OGG1: variants seen among roughly 807,000 people sequenced by gnomAD.
The protein encoded by OGG1 is N-glycosylase/DNA lyase.
In OGG1, 35 loss-of-function variants were observed where a neutral mutation model predicts 42.3. The ratio of observed to expected loss-of-function variants is 0.83; its 90% CI spans 0.63 to 1.10. OGG1 has a LOEUF of 1.10. OGG1 is among the 50% of genes least tolerant of loss of function. The probability of loss-of-function intolerance (pLI) is 0.00; values close to 1 mark genes in which losing one functional copy is unlikely to be tolerated. For missense variants in OGG1, 484 were observed against 446.7 expected, an observed-to-expected ratio of 1.08 and a Z score of -0.75; for synonymous variants, 189 against 179.0, an observed-to-expected ratio of 1.06 and a Z score of -0.44.
At chr3:9,762,267 CGAG>C (rs1319149649), downstream of OGG1, 2 of 153,702 alleles carry the variant, frequency 1.3e-5, no homozygotes, top group Non-Finnish European at 2.9e-5. Flanking sequence ...TCGCTATTTC[CGAG>C]GAGTAGGATT....
downstream of OGG1, chr3:9,789,649 T>C: frequency 1.2e-6 from 2 of 1,611,580 alleles, no homozygotes; most frequent in Non-Finnish European, 1.7e-6. Context: ...TGGGCGCCCC[T>C]GCCCCACCAG....
chr3:9,760,059 G>C (rs2077777535), downstream of OGG1: 1 of 251,630 alleles, frequency 4.0e-6, no homozygotes, highest in Non-Finnish European at 7.9e-6. Context: ...TGGCCAAGAT[G>C]GTGAAACCTT....
At chr3:9,775,645 T>G (rs962764148) in intron 2 of OGG1, among the ~76,000 whole-genome samples, 1 of 127,860 alleles carries the variant, frequency 7.8e-6, no homozygotes, top group African/African-American at 2.8e-5. Flanking sequence ...TACCCAGAGG[T>G]TTTTTTTTTT....
At chr3:9,768,577 C>T (rs1030320138), downstream of OGG1, among the ~76,000 whole-genome samples, 1 of 152,208 alleles carries the variant, frequency 6.6e-6, no homozygotes, top group South Asian at 2.1e-4. Context: ...CCTAATGACA[C>T]CTGGCCTGGG....
Position 9,765,886 on chromosome 3 carries a change from C to T in OGG1, c.*55C>T, listed in dbSNP as rs765645330. The T allele has an allele frequency of 6.2e-6, 10 of 1,613,968 alleles. No individual in the cohort carries two copies. In the African/African-American group the frequency reaches 1.2e-4, roughly 19 times the overall value. On this transcript the variant is annotated 3_prime_UTR_variant, in exon 8 of 8. Transcript: ENST00000302008. ...TCTGCCAGGATCACCTCCGAGAAGG[C>T]CCCCCTATCGGGAGAGGGGATTCAC...
At chr3:9,786,125 G>A (rs2078604255) in intron 3 of OGG1, among the ~76,000 whole-genome samples, 1 of 152,122 alleles carries the variant, frequency 6.6e-6, no homozygotes, top group African/African-American at 2.4e-5. Flanking sequence ...ATTTTTAGTA[G>A]AGACGGGGTT....
chr3:9,759,858 G>A (rs1325177273), downstream of OGG1: 3 of 1,594,746 alleles, frequency 1.9e-6, no homozygotes, highest in Non-Finnish European at 2.6e-6. Flanking sequence ...AGACAAAGAG[G>A]CCAAATCAGT....
downstream of OGG1, among the ~76,000 whole-genome samples, chr3:9,788,467 A>T (rs575927762): frequency 6.6e-6 from 1 of 150,578 alleles, no homozygotes. Flanking sequence ...GGATGGTCTC[A>T]ATCTCCTGAC....
At chr3:9,755,016 A>C (rs2077473062) in intron 4 of OGG1, 131 bp downstream of exon 4, 2 of 743,598 alleles carry the variant, frequency 2.7e-6, no homozygotes, top group African/African-American at 3.5e-5. Flanking sequence ...GGATATAAGT[A>C]GATGTTTTAT....
At chr3:9,778,144 T>C (rs1203103260) in intron 2 of OGG1, among the ~76,000 whole-genome samples, 1 of 152,236 alleles carries the variant, frequency 6.6e-6, no homozygotes, top group African/African-American at 2.4e-5. Context: ...ATTAGGTAGT[T>C]GAATGAGTTC....
rs776627800 is a variant in OGG1 at position 9,751,016 on chromosome 3, A to G, written c.209A>G (p.Glu70Gly). 6.2e-7 allele frequency: 1 copy of G among 1,614,020 alleles called. No individual in the cohort carries two copies. The highest frequency in any genetic ancestry group is 8.5e-7 in the Non-Finnish European group (1 of 1,179,938). Residue 70 changes from glutamate (E) to glycine (G), a missense_variant, in exon 2 of 7, where the codon GAG (glutamate) becomes GGG (glycine). Physicochemically the swap from Glu to Gly is moderately conservative, Grantham distance 98. Transcript: ENST00000344629. The part of the protein sequence containing the change: ...ADQVWTLTQT[E>G]EQLHCTVYRG... ...CAAGTATGGACACTGACTCAGACTG[A>G]GGAGCAGCTCCACTGCACTGTGTAC...
intron 3 of OGG1, among the ~76,000 whole-genome samples, chr3:9,753,783 T>C (rs1355056415): frequency 6.6e-6 from 1 of 152,242 alleles, no homozygotes; most frequent in Non-Finnish European, 1.5e-5. Flanking sequence ...ACAGTTTCTA[T>C]CTAGAAGGGC....
chr3:9,757,301 CACA>C lies in OGG1; in HGVS notation c.*156_*158del. On this transcript the variant is annotated 3_prime_UTR_variant, in exon 7 of 7. Transcript: ENST00000344629. This position sits in a 1 kb window ranked among gnomAD's most constrained non-coding sequence, Gnocchi z 4.5. ...ACCCCCAAATCAAGCAGTCAGTTTG[CACA>C]ACAAGATGGGGTGGGGGATATTGAG... 1.2e-6 allele frequency: 2 copies of C among 1,614,156 alleles called. No homozygotes were observed. The highest frequency in any genetic ancestry group is 1.7e-6 in the Non-Finnish European group (2 of 1,180,042).
chr3:9,767,496 T>C (rs779434619), downstream of OGG1, among the ~76,000 whole-genome samples: 27 of 152,184 alleles, frequency 1.8e-4, no homozygotes, highest in Non-Finnish European at 3.2e-4. Context: ...GCAGCCCGTG[T>C]CCCACCCACT....
At chr3:9,759,435 G>T, downstream of OGG1, 3 of 1,612,392 alleles carry the variant, frequency 1.9e-6, no homozygotes, top group Non-Finnish European at 2.5e-6. Flanking sequence ...CCTGGGTAGG[G>T]ATGGGGAGGA....
chr3:9,754,439 G>A (rs2077443591), intron 3 of OGG1, among the ~76,000 whole-genome samples: 1 of 152,194 alleles, frequency 6.6e-6, no homozygotes, highest in African/African-American at 2.4e-5. Context: ...AGCTCCTCAA[G>A]GGAAGCAAGT....
At chr3:9,757,424 A>G (rs756295201), downstream of OGG1, 2 of 1,608,522 alleles carry the variant, frequency 1.2e-6, no homozygotes, top group Non-Finnish European at 1.7e-6. This position sits in a 1 kb window ranked among gnomAD's most constrained non-coding sequence, Gnocchi z 4.5. Flanking sequence ...GAGGAGTGGT[A>G]GGGAAGCAGG....
chr3:9,770,031 G>A (rs2078268931), downstream of OGG1: 1 of 152,502 alleles, frequency 6.6e-6, no homozygotes, highest in South Asian at 2.1e-4. Context: ...GGAGGGACCC[G>A]GGATTGGGAG....
At chr3:9,772,761 A>G (rs955321323) in intron 2 of OGG1, among the ~76,000 whole-genome samples, 4 of 152,152 alleles carry the variant, frequency 2.6e-5, no homozygotes, top group Non-Finnish European at 1.5e-5. Context: ...GCCATAAGGA[A>G]TGGAAGAGGT....
Sources: gnomAD v4.1 joint callset for allele counts (sites outside exome capture counted in the v4.1 genomes callset) on GRCh38, gnomAD v4.1.1 for gene constraint, Gnocchi (gnomAD v3.1) non-coding constraint, MANE v1.5 for transcripts, NCBI Gene and HGNC (gene_info 2026-07-23, HGNC 2026-07-21) for gene names.